Variants in TPD52L1 observed in about 807,000 individuals in gnomAD.
The protein encoded by TPD52L1 is TPD52 like 1, also known as tumor protein D53.
TPD52L1 carries 18 observed loss-of-function variants against 28.7 expected under a neutral mutation model. That is an observed-to-expected ratio of 0.63 (90% CI 0.43 to 0.93). The LOEUF is 0.93. TPD52L1 is among the 40% of genes least tolerant of loss of function. The pLI is 0.00. For synonymous variants in TPD52L1, 75 were observed against 88.8 expected (o/e 0.84, Z 0.88); for missense variants, 203 against 254.8 (o/e 0.80, Z 1.39).
intron 1 of TPD52L1, among the ~76,000 whole-genome samples, chr6:125,178,704 T>C (rs1562228198): frequency 6.6e-6 from 1 of 151,848 alleles, no homozygotes; most frequent in Non-Finnish European, 1.5e-5. Flanking sequence ...AAAAAATCAA[T>C]GAAGGCAGGA....
intron 1 of TPD52L1, among the ~76,000 whole-genome samples, chr6:125,191,156 A>G (rs941390161): frequency 3.9e-5 from 6 of 152,094 alleles, no homozygotes; most frequent in Non-Finnish European, 7.4e-5. Context: ...TTCCTTGCTG[A>G]TCTTGGGTTT....
chr6:125,262,634 T>G, intron 6 of TPD52L1, 200 bp from the exon 7 acceptor site: 1 of 634,272 alleles, frequency 1.6e-6, no homozygotes, highest in Admixed American at 3.6e-5. Context: ...AATTAAAGTT[T>G]GGAATCCTAT....
At chr6:125,164,104 G>C (rs1790721345) in intron 1 of TPD52L1, among the ~76,000 whole-genome samples, 1 of 152,152 alleles carries the variant, frequency 6.6e-6, no homozygotes, top group Non-Finnish European at 1.5e-5. Flanking sequence ...TTCATATCTT[G>C]AGATTTCAAT....
intron 1 of TPD52L1, among the ~76,000 whole-genome samples, chr6:125,198,424 T>A (rs1319154076): frequency 6.6e-6 from 1 of 152,146 alleles, no homozygotes; most frequent in Non-Finnish European, 1.5e-5. Flanking sequence ...CCCAGTTCTA[T>A]CCCTGCATAC....
intron 1 of TPD52L1, among the ~76,000 whole-genome samples, chr6:125,208,334 A>C (rs1794289706): frequency 6.6e-6 from 1 of 152,322 alleles, no homozygotes; most frequent in African/African-American, 2.4e-5. Context: ...CATCTAAGAT[A>C]GTTTCCTAGG....
chr6:125,238,629 C>T (rs1224889233), intron 3 of TPD52L1, among the ~76,000 whole-genome samples: 1 of 152,120 alleles, frequency 6.6e-6, no homozygotes, highest in African/African-American at 2.4e-5. Context: ...TCCTGAGTTA[C>T]TTCGGTCTCC....
At chr6:125,169,706 G>A (rs1012899532) in intron 1 of TPD52L1, among the ~76,000 whole-genome samples, 10 of 152,128 alleles carry the variant, frequency 6.6e-5, no homozygotes, top group African/African-American at 2.4e-4. Flanking sequence ...ATTACTGCAG[G>A]AGCCTCCTAG....
rs60135828 is a variant in TPD52L1 at position 125,172,512 on chromosome 6, C to CTATATATA, written c.19+18575_19+18582dup. 5.1e-3 allele frequency among the ~76,000 whole-genome samples: 83 copies of CTATATATA among 16,400 alleles called. 2 individuals are homozygous for CTATATATA. The highest frequency in any genetic ancestry group is 6.4e-3 in the African/African-American group (28 of 4,358). The allele number at this position is 16,400 out of a possible 152,430, so 10.8% of individuals were successfully genotyped here. ...TTAGCAGCTATTTCCCTCTTTCATG[C>CTATATATA]TATATATATATATATATATATATAT... On this transcript the variant is annotated intron_variant, in intron 1 of 6. Transcript: ENST00000534000.
At chr6:125,218,274 A>G (rs190575337) in intron 1 of TPD52L1, among the ~76,000 whole-genome samples, 2 of 152,132 alleles carry the variant, frequency 1.3e-5, no homozygotes, top group Non-Finnish European at 2.9e-5. Flanking sequence ...AGACTTGTAA[A>G]TTTTTGCTAA....
intron 2 of TPD52L1, among the ~76,000 whole-genome samples, chr6:125,228,495 T>A (rs1795752994): frequency 6.6e-6 from 1 of 152,238 alleles, no homozygotes; most frequent in Non-Finnish European, 1.5e-5. Flanking sequence ...AACCCCATTG[T>A]CTGCCAATTC....
At chr6:125,164,064 G>T (rs992292291) in intron 1 of TPD52L1, among the ~76,000 whole-genome samples, 1 of 152,192 alleles carries the variant, frequency 6.6e-6, no homozygotes, top group Non-Finnish European at 1.5e-5. Context: ...GGAAGTGTTG[G>T]AGTTGGGATT....
At chr6:125,191,482 T>C (rs151143567) in intron 1 of TPD52L1, among the ~76,000 whole-genome samples, 4 of 152,328 alleles carry the variant, frequency 2.6e-5, no homozygotes, top group African/African-American at 9.6e-5. Context: ...TGTTTAAAAT[T>C]GGGTGAATTG....
At chr6:125,204,823 G>C (rs997201365) in intron 1 of TPD52L1, among the ~76,000 whole-genome samples, 1 of 152,184 alleles carries the variant, frequency 6.6e-6, no homozygotes, top group African/African-American at 2.4e-5. Flanking sequence ...AAATGTAAGG[G>C]CATGATAGCT....
chr6:125,252,896 C>CTATT (rs545646075), intron 4 of TPD52L1: 23 of 152,296 alleles, frequency 1.5e-4, no homozygotes, highest in African/African-American at 5.3e-4. Context: ...GGTCCCTGAA[C>CTATT]TATTAGCTCC....
chr6:125,201,546 G>C lies in TPD52L1; in HGVS notation c.20-18532G>C, dbSNP rs148418202. Among the ~76,000 whole-genome samples, 242 of 152,226 alleles carry C rather than the reference G, an allele frequency of 1.6e-3. 1 individual carries two copies. The highest frequency in any genetic ancestry group is 5.7e-3 in the African/African-American group (236 of 41,536). On this transcript the variant is annotated intron_variant, in intron 1 of 6. Coordinates refer to ENST00000534000, the MANE Select transcript of TPD52L1 (RefSeq NM_003287.4). ...CAAAAGTGGGATGGCAGTGTCAAAG[G>C]CTCTCCCAATCAGGTGTCACAGTGC...
chr6:125,202,065 T>TCCAGCCATGGGTCCAGGC (rs1793829083), intron 1 of TPD52L1, among the ~76,000 whole-genome samples: 1 of 152,156 alleles, frequency 6.6e-6, no homozygotes. Flanking sequence ...CTGGCTGCAG[T>TCCAGCCATGGGTCCAGGC]CCCAGTAGGC....
intron 1 of TPD52L1, among the ~76,000 whole-genome samples, chr6:125,204,511 ACT>A (rs1012094187): frequency 1.3e-4 from 20 of 151,098 alleles, no homozygotes; most frequent in African/African-American, 4.9e-4. Flanking sequence ...ACGGAGTCTC[ACT>A]CTGTCGCCCA....
At chr6:125,157,209 G>T (rs1047279752) in intron 1 of TPD52L1, among the ~76,000 whole-genome samples, 2 of 152,204 alleles carry the variant, frequency 1.3e-5, no homozygotes, top group Non-Finnish European at 2.9e-5. Flanking sequence ...GACAGGTAAA[G>T]ATAAGTGAGA....
At chr6:125,259,292 AGG>A (rs1174785151) in intron 6 of TPD52L1, among the ~76,000 whole-genome samples, 4 of 152,198 alleles carry the variant, frequency 2.6e-5, no homozygotes, top group Non-Finnish European at 5.9e-5. Flanking sequence ...TGAGAAAATA[AGG>A]TTCTGCTATA....
Sources: allele counts gnomAD v4.1 joint callset (sites outside exome capture counted in the v4.1 genomes callset), GRCh38; gene constraint gnomAD v4.1.1; transcripts MANE v1.5; gene names NCBI Gene and HGNC (gene_info 2026-07-23, HGNC 2026-07-21).